Variants in HHAT observed in about 807,000 individuals in gnomAD.
HHAT encodes hedgehog acyltransferase.
Under a neutral mutation model 70.8 loss-of-function variants are expected in HHAT, and 47 were observed. That is an observed-to-expected ratio of 0.66 (90% CI 0.53 to 0.85). HHAT has a LOEUF of 0.85. HHAT is among the 40% of genes least tolerant of loss of function. The probability of loss-of-function intolerance (pLI) is 0.00; values close to 1 mark genes in which losing one functional copy is unlikely to be tolerated. For missense variants in HHAT, 609 were observed against 604.8 expected (o/e 1.01, Z -0.07); for synonymous variants, 228 against 247.6 (o/e 0.92, Z 0.74).
intron 1 of HHAT, among the ~76,000 whole-genome samples, chr1:210,341,712 A>G (rs2086055263): frequency 6.6e-6 from 1 of 152,242 alleles, no homozygotes; most frequent in Non-Finnish European, 1.5e-5. Context: ...GCTCCAGTAT[A>G]GAAAAAGTTC....
At chr1:210,502,072 G>A (rs961804721) in intron 8 of HHAT, among the ~76,000 whole-genome samples, 3 of 149,344 alleles carry the variant, frequency 2.0e-5, no homozygotes, top group Non-Finnish European at 3.0e-5. Context: ...GCTTATCAGC[G>A]GTTCATTGTT....
chr1:210,465,399 G>A (rs1379331328), intron 8 of HHAT, among the ~76,000 whole-genome samples: 1 of 152,192 alleles, frequency 6.6e-6, no homozygotes, highest in Non-Finnish European at 1.5e-5. Flanking sequence ...CGCTTCCAGA[G>A]TGTAACAAGT....
intron 9 of HHAT, among the ~76,000 whole-genome samples, chr1:210,566,281 T>TA (rs1654727223): frequency 6.6e-6 from 1 of 152,184 alleles, no homozygotes; most frequent in Admixed American, 6.5e-5. Flanking sequence ...GTGTTAAGCA[T>TA]ATAGGTTATC....
intron 4 of HHAT, among the ~76,000 whole-genome samples, chr1:210,389,659 T>C (rs1470124437): frequency 6.6e-6 from 1 of 152,254 alleles, no homozygotes; most frequent in African/African-American, 2.4e-5. Flanking sequence ...CTGGCATGAT[T>C]GTAAGTTTCC....
chr1:210,347,750 T>G (rs1229407710), intron 1 of HHAT, among the ~76,000 whole-genome samples: 1 of 152,144 alleles, frequency 6.6e-6, no homozygotes, highest in Non-Finnish European at 1.5e-5. Flanking sequence ...ACTTTGGGGC[T>G]TGGGGGTGGT....
chr1:210,352,192 G>A (rs996631293), intron 2 of HHAT, among the ~76,000 whole-genome samples: 15 of 152,210 alleles, frequency 9.9e-5, no homozygotes, highest in Admixed American at 8.5e-4. Flanking sequence ...AACCTGTCCA[G>A]ATGCTGTCAT....
chr1:210,609,389 TTTGAATGAGTGAAA>T lies in HHAT; in HGVS notation c.1246-14134_1246-14121del, dbSNP rs1666148600. Among the ~76,000 whole-genome samples, 4 of 146,532 alleles carry T rather than the reference TTTGAATGAGTGAAA, an allele frequency of 2.7e-5. No individual in the cohort carries two copies. In the South Asian group the frequency reaches 8.9e-4, roughly 32 times the overall value. ...TTTTTCCTTAAATAAAAACTTTTGG[TTTGAATGAGTGAAA>T]TTTTAAAAAATGTAATGGTGTGTTA... On this transcript the variant is annotated intron_variant, in intron 10 of 11. Coordinates refer to ENST00000261458, the MANE Select transcript of HHAT (RefSeq NM_018194.6).
At chr1:210,599,018 C>G (rs1019315678) in intron 10 of HHAT, among the ~76,000 whole-genome samples, 2 of 152,178 alleles carry the variant, frequency 1.3e-5, no homozygotes, top group East Asian at 3.9e-4. Context: ...TGAACATTCA[C>G]GCAAATACTT....
At chr1:210,403,013 C>A (rs1014909998) in intron 5 of HHAT, among the ~76,000 whole-genome samples, 1 of 152,222 alleles carries the variant, frequency 6.6e-6, no homozygotes, top group Non-Finnish European at 1.5e-5. Context: ...AATAAATCCT[C>A]TTCCTTCCTC....
chr1:210,622,467 C>A (rs765556596), intron 10 of HHAT, among the ~76,000 whole-genome samples: 1 of 152,136 alleles, frequency 6.6e-6, no homozygotes, highest in Non-Finnish European at 1.5e-5. Context: ...AGCGACCTCA[C>A]TCAGAGGGGC....
chr1:210,634,024 C>CA (rs1671387969), intron 11 of HHAT, among the ~76,000 whole-genome samples: 2 of 152,024 alleles, frequency 1.3e-5, no homozygotes, highest in African/African-American at 4.8e-5. Flanking sequence ...CCTTGGGAAA[C>CA]AAAAAATTGG....
chr1:210,516,371 G>A (rs1033388041), intron 9 of HHAT, among the ~76,000 whole-genome samples: 7 of 152,182 alleles, frequency 4.6e-5, no homozygotes, highest in Non-Finnish European at 8.8e-5. Flanking sequence ...CCACCAGAAG[G>A]TCTTAAGTGT....
intron 2 of HHAT, among the ~76,000 whole-genome samples, chr1:210,361,976 C>G (rs1396002683): frequency 6.6e-6 from 1 of 152,160 alleles, no homozygotes; most frequent in Non-Finnish European, 1.5e-5. Flanking sequence ...TCTTCCCCAG[C>G]ATACAGTAAG....
At chr1:210,478,626 T>A (rs2094343137) in intron 8 of HHAT, among the ~76,000 whole-genome samples, 1 of 152,170 alleles carries the variant, frequency 6.6e-6, no homozygotes, top group Non-Finnish European at 1.5e-5. Flanking sequence ...TCCCACTCTG[T>A]GAAAGCATCT....
At chr1:210,667,754 TATAA>T (rs1406565595) in intron 11 of HHAT, among the ~76,000 whole-genome samples, 2 of 152,238 alleles carry the variant, frequency 1.3e-5, no homozygotes, top group African/African-American at 2.4e-5. Flanking sequence ...ATACATTTTA[TATAA>T]ATAATATATA....
At chr1:210,595,576 C>T (rs1255272002) in intron 10 of HHAT, among the ~76,000 whole-genome samples, 1 of 152,150 alleles carries the variant, frequency 6.6e-6, no homozygotes, top group African/African-American at 2.4e-5. Flanking sequence ...GTTTACAGTC[C>T]CACCATCAGT....
chr1:210,387,514 A>G lies in HHAT; in HGVS notation c.206A>G (p.Gln69Arg), dbSNP rs754382840. Residue 69 changes from glutamine (Q) to arginine (R), a missense_variant, in exon 4 of 12, where the codon CAG becomes CGG. Coordinates refer to ENST00000261458, the MANE Select transcript of HHAT (RefSeq NM_018194.6). ...AGCTTCTGGATGGAATGGGGGAAGC[A>G]GTGGCTGGTGTGGCTTCTCCTTGGC... ...EWSFWMEWGK[Q>R]WLVWLLLGHM... The G allele has an allele frequency of 6.2e-7, 1 of 1,614,150 alleles. No homozygotes were observed. The highest frequency in any genetic ancestry group is 1.1e-5 in the South Asian group (1 of 91,078).
chr1:210,601,335 G>A (rs12066974), intron 10 of HHAT, among the ~76,000 whole-genome samples: 2,202 of 152,092 alleles, frequency 0.014, 38 homozygotes, highest in African/African-American at 0.05. Context: ...AAACCTTTTC[G>A]TTAGGGGTCA....
chr1:210,356,240 A>G (rs1025446881), intron 2 of HHAT, among the ~76,000 whole-genome samples: 2 of 152,164 alleles, frequency 1.3e-5, no homozygotes, highest in African/African-American at 2.4e-5. Flanking sequence ...AATGAAAAGC[A>G]GCTACCCTAG....
Sources: allele counts gnomAD v4.1 joint callset (sites outside exome capture counted in the v4.1 genomes callset), GRCh38; gene constraint gnomAD v4.1.1; transcripts MANE v1.5; gene names NCBI Gene and HGNC (gene_info 2026-07-23, HGNC 2026-07-21).